The following TBC1D2 variants were observed in gnomAD, a reference collection of about 807,000 sequenced individuals.
TBC1D2 encodes TBC1 domain family member 2.
TBC1D2 carries 58 observed loss-of-function variants against 91.1 expected under a neutral mutation model. That is an observed-to-expected ratio of 0.64 (90% confidence interval 0.52 to 0.79). The LOEUF (loss-of-function observed/expected upper bound fraction) is 0.79, where lower values mean the gene tolerates loss of function less well. TBC1D2 is among the 30% of genes least tolerant of loss of function. TBC1D2 has a pLI of 0.00. For synonymous variants in TBC1D2, 482 were observed against 511.5 expected (o/e 0.94, Z 0.78); for missense variants, 1,080 against 1,208.3 (o/e 0.89, Z 1.57).
intron 11 of TBC1D2, among the ~76,000 whole-genome samples, chr9:98,200,913 G>A (rs1588024569): frequency 6.6e-6 from 1 of 152,168 alleles, no homozygotes; most frequent in East Asian, 1.9e-4. Context: ...CTACTCCGGA[G>A]GTTGAGGCAG....
In TBC1D2 at chr9:98,203,380, C is replaced by G. The variant is rs150780279; in HGVS notation, c.2179G>C (p.Glu727Gln). 1.3e-5 allele frequency: 21 copies of G among 1,614,100 alleles called. No individual in the cohort carries two copies. The highest frequency in any genetic ancestry group is 1.1e-4 in the East Asian group (5 of 44,894). Residue 727 changes from glutamate to glutamine, a missense_variant, in exon 10 of 13, where the codon GAG becomes CAG. Physicochemically the swap from Glu to Gln is conservative, Grantham distance 29. Transcript: ENST00000465784. ...CACCAGAAGGCGCTCTCCTCCTCCTCTAGGACCAGCAGGGCAATGGCCGCC... is the reference window on the plus strand; with the variant it reads ...CACCAGAAGGCGCTCTCCTCCTCCTGTAGGACCAGCAGGGCAATGGCCGCC... ...RLAAIALLVL[E>Q]EEESAFWCLV... is the part of the protein sequence containing the mutation.
In TBC1D2 at chr9:98,200,294, G is replaced by A. The variant is rs776373407; in HGVS notation, c.2538C>T (p.Tyr846=). 1.2e-6 allele frequency: 2 copies of A among 1,613,830 alleles called. No individual in the cohort carries two copies. The highest frequency in any genetic ancestry group is 2.2e-5 in the South Asian group (2 of 91,066). The change falls in exon 12 of 13, where the codon TAC becomes TAT. Residue 846 remains tyrosine (Y), a synonymous_variant. Transcript: ENST00000465784. ...TCTTGGTGAAGAAGCGCAGGTACTG[G>A]TAGATTTCCAGGCCATTCTGTAGCC... is the stretch of plus-strand genomic sequence containing the variant. ...ILRLQNGLEI[Y]QYLRFFTKTI...
At chr9:98,200,520 A>G (rs2282434) in intron 11 of TBC1D2, 146 bp from the exon 12 acceptor site, 226,758 of 367,134 alleles carry the variant, frequency 0.62, 59,456 homozygotes, top group African/African-American at 0.76. Flanking sequence ...GTGTGGGGAT[A>G]GGCTCCAGGG....
At chr9:98,229,660 C>G (rs1031291362) in intron 4 of TBC1D2, among the ~76,000 whole-genome samples, 13 of 152,250 alleles carry the variant, frequency 8.5e-5, no homozygotes, top group Non-Finnish European at 1.8e-4. Flanking sequence ...GAGAGCAGCT[C>G]AAGCATTTAA....
chr9:98,199,245 G>T lies in TBC1D2; in HGVS notation c.*136C>A. 3.2e-6 allele frequency: 3 copies of T among 942,902 alleles called. No homozygotes were observed. Among genetic ancestry groups the T allele is most frequent in the Non-Finnish European group, 4.8e-6 (3 of 621,408 alleles). 58.4% of individuals were successfully genotyped at this position (942,902 alleles called of 1,614,324 possible). A position where few individuals can be genotyped will look rare whatever the true frequency, so the allele number is the denominator to read the frequency against. On this transcript the variant is annotated 3_prime_UTR_variant, in exon 13 of 13. Coordinates refer to ENST00000465784, the MANE Select transcript of TBC1D2 (RefSeq NM_001267571.2). ...CAATGTCCCAGTGGGGAAACTGAGGGCCAGAGAGGGGAAGGGACATGTCCA... is the reference window on the plus strand; with the variant it reads ...CAATGTCCCAGTGGGGAAACTGAGGTCCAGAGAGGGGAAGGGACATGTCCA...
chr9:98,212,188 T>C (rs1159836019), intron 7 of TBC1D2, among the ~76,000 whole-genome samples: 1 of 152,120 alleles, frequency 6.6e-6, no homozygotes, highest in Non-Finnish European at 1.5e-5. Context: ...GTCACAGCAG[T>C]CTTCTTGGAA....
At chr9:98,240,691 G>C (rs1287544900) in intron 3 of TBC1D2, among the ~76,000 whole-genome samples, 1 of 152,166 alleles carries the variant, frequency 6.6e-6, no homozygotes, top group Non-Finnish European at 1.5e-5. Flanking sequence ...CTGATAAGCA[G>C]TCACCCCTGG....
chr9:98,222,293 T>C (rs1325838780), intron 5 of TBC1D2, among the ~76,000 whole-genome samples: 1 of 152,198 alleles, frequency 6.6e-6, no homozygotes, highest in Non-Finnish European at 1.5e-5. Context: ...CTCAGAATCA[T>C]TCTCAATATA....
rs114891614 is a variant in TBC1D2, at chr9:98,241,168, T to C, written c.647+2826A>G. Among the ~76,000 whole-genome samples, 252 of 152,242 alleles carry C rather than the reference T, an allele frequency of 1.7e-3. 1 individual carries two copies. Among genetic ancestry groups the C allele is most frequent in the African/African-American group, 5.7e-3 (235 of 41,542 alleles). The stretch of plus-strand genomic sequence containing the variant: ...GAAGTAAATACTATTCTCACCCTCA[T>C]TGGACAGAGAGAACTGAGATTCAAA... On this transcript the variant is annotated intron_variant, in intron 3 of 12. Transcript: ENST00000465784.
At position 98,228,828 on chromosome 9, in the gene TBC1D2, C is replaced by T; in HGVS notation, c.978+124G>A. ...ATATTTCAACATTCTGCAGTTTGGCCTTTAAAGACCAGAGAGTAGCTGGTG... is the reference window on the plus strand; with the variant it reads ...ATATTTCAACATTCTGCAGTTTGGCTTTTAAAGACCAGAGAGTAGCTGGTG... On this transcript the variant is annotated intron_variant, in intron 5 of 12. Coordinates refer to ENST00000465784, the MANE Select transcript of TBC1D2 (RefSeq NM_001267571.2). This position sits in a 1 kb window ranked among gnomAD's most constrained non-coding sequence, Gnocchi z 4.0. The T allele has an allele frequency of 9.6e-6, 9 of 932,914 alleles. No individual in the cohort carries two copies. The highest frequency in any genetic ancestry group is 1.5e-5 in the Non-Finnish European group (9 of 615,980). The allele number at this position is 932,914 out of a possible 1,614,324, so 57.8% of individuals were successfully genotyped here.
intron 2 of TBC1D2, among the ~76,000 whole-genome samples, chr9:98,244,915 G>A (rs1171926793): frequency 6.6e-6 from 1 of 152,112 alleles, no homozygotes; most frequent in Admixed American, 6.6e-5. Flanking sequence ...AAACCTGTAT[G>A]GAATATAATA....
chr9:98,250,313 T>C (rs754639024), intron 2 of TBC1D2, among the ~76,000 whole-genome samples: 2 of 133,662 alleles, frequency 1.5e-5, no homozygotes, highest in Non-Finnish European at 3.1e-5. Context: ...GTGGGTGGCA[T>C]TGGATGGCAG....
chr9:98,229,136 T>C lies in TBC1D2; in HGVS notation c.794A>G (p.Glu265Gly), dbSNP rs754099382. ...CTTGGGTGCAGGCTTTGGAGAATCC[T>C]CTGGCTCTCTCCCTGCTCAAGAGGA... ...SDASTPGREP[E>G]DSPKPAPKPS... The change falls in exon 5 of 13, where the codon GAG (glutamate) becomes GGG (glycine). Residue 265 changes from glutamate to glycine, a missense_variant. By Grantham distance (98) the Glu-to-Gly change is moderately conservative. Coordinates refer to ENST00000465784, the MANE Select transcript of TBC1D2 (RefSeq NM_001267571.2). 2 of 1,614,214 alleles carry C rather than the reference T, an allele frequency of 1.2e-6. No homozygotes were observed. The highest frequency in any genetic ancestry group is 3.3e-5 in the Admixed American group (2 of 60,032).
chr9:98,235,654 C>T (rs1397096497), intron 3 of TBC1D2: 1 of 321,300 alleles, frequency 3.1e-6, no homozygotes, highest in Non-Finnish European at 6.1e-6. Flanking sequence ...AAATACGGTC[C>T]TTCCTAACCC....
chr9:98,228,845 T>G lies in TBC1D2; in HGVS notation c.978+107A>C, dbSNP rs1829297121. 31 of 1,080,160 alleles carry G rather than the reference T, an allele frequency of 2.9e-5. No individual in the cohort carries two copies. Among genetic ancestry groups the G allele is most frequent in the Non-Finnish European group, 4.0e-5 (30 of 743,952 alleles). The allele number at this position is 1,080,160 out of a possible 1,614,324, so 66.9% of individuals were successfully genotyped here. On this transcript the variant is annotated intron_variant, in intron 5 of 12. Coordinates refer to ENST00000465784, the MANE Select transcript of TBC1D2 (RefSeq NM_001267571.2). This position sits in a 1 kb window ranked among gnomAD's most constrained non-coding sequence, Gnocchi z 4.0. ...AGTTTGGCCTTTAAAGACCAGAGAGTAGCTGGTGCCCAGCACGGCTAATGC... is the reference window on the plus strand; with the variant it reads ...AGTTTGGCCTTTAAAGACCAGAGAGGAGCTGGTGCCCAGCACGGCTAATGC...
At chr9:98,217,722 T>A (rs1829004004) in intron 6 of TBC1D2, among the ~76,000 whole-genome samples, 1 of 152,192 alleles carries the variant, frequency 6.6e-6, no homozygotes, top group Non-Finnish European at 1.5e-5. Context: ...TTTTATTTTT[T>A]TTTTAATAGA....
At chr9:98,202,092 C>G (rs908460642) in intron 10 of TBC1D2, among the ~76,000 whole-genome samples, 3 of 152,232 alleles carry the variant, frequency 2.0e-5, no homozygotes, top group Non-Finnish European at 2.9e-5. Flanking sequence ...ACCACAGCCC[C>G]TTCTCTATAC....
At chr9:98,225,765 ATCT>A (rs1829218039) in intron 5 of TBC1D2, among the ~76,000 whole-genome samples, 1 of 152,214 alleles carries the variant, frequency 6.6e-6, no homozygotes, top group South Asian at 2.1e-4. Flanking sequence ...CCATGCTCAC[ATCT>A]TCTCTTCCCC....
intron 6 of TBC1D2, among the ~76,000 whole-genome samples, chr9:98,219,048 TC>T (rs370844874): frequency 2.4e-4 from 36 of 152,366 alleles, no homozygotes; most frequent in Non-Finnish European, 4.7e-4. Flanking sequence ...GTTATGTTTT[TC>T]TTTTAACCCA....
Sources: allele counts gnomAD v4.1 joint callset (sites outside exome capture counted in the v4.1 genomes callset), GRCh38; gene constraint gnomAD v4.1.1; non-coding constraint Gnocchi (gnomAD v3.1); transcripts MANE v1.5; gene names NCBI Gene and HGNC (gene_info 2026-07-23, HGNC 2026-07-21).